UBE2E2: variants seen among roughly 807,000 people sequenced by gnomAD.
UBE2E2 encodes ubiquitin-conjugating enzyme E2 E2.
UBE2E2 carries 6 observed loss-of-function variants against 24.7 expected under a neutral mutation model. The observed-to-expected ratio is 0.24, with a 90% CI of 0.13 to 0.48. The LOEUF (loss-of-function observed/expected upper bound fraction) is 0.48. Among genes scored for constraint, UBE2E2 ranks in the 20% least tolerant of loss-of-function variants. The pLI is 0.99. For synonymous variants in UBE2E2, 104 were observed against 83.6 expected, an observed-to-expected ratio of 1.24 and a Z score of -1.33; for missense variants, 169 against 245.0, an observed-to-expected ratio of 0.69 and a Z score of 2.07.
chr3:23,231,055 A>G (rs1188257505), intron 3 of UBE2E2, among the ~76,000 whole-genome samples: 2 of 152,190 alleles, frequency 1.3e-5, no homozygotes, highest in African/African-American at 2.4e-5. Flanking sequence ...CTTTAGAGGA[A>G]CTGAAAATGA....
rs752800165 is a variant in UBE2E2, at chr3:23,323,581, C to T, written c.227+106269C>T. On this transcript the variant is annotated intron_variant, in intron 3 of 5. Transcript: ENST00000396703. ...ATTGGATTTTTGGATTTTGGATGCC[C>T]ACTAGGTAGGTATAATGCACATATT... The T allele has an allele frequency of 5.6e-5, 25 of 449,950 alleles. 1 individual carries two copies. Among genetic ancestry groups the T allele is most frequent in the South Asian group, 3.5e-4 (22 of 63,448 alleles). The allele number at this position is 449,950 out of a possible 1,614,324, so 27.9% of individuals were successfully genotyped here.
chr3:23,291,897 G>GCCCAGGCCAGATCTTTC (rs1268847558), intron 3 of UBE2E2, among the ~76,000 whole-genome samples: 83 of 132,928 alleles, frequency 6.2e-4, no homozygotes, highest in South Asian at 2.0e-3. Flanking sequence ...CTCGCTCTTT[G>GCCCAGGCCAGATCTTTC]GCCCAGGCCA....
At chr3:23,552,520 A>G (rs1306001406) in intron 5 of UBE2E2, among the ~76,000 whole-genome samples, 1 of 152,200 alleles carries the variant, frequency 6.6e-6, no homozygotes, top group Admixed American at 6.5e-5. Flanking sequence ...AGCATAAACA[A>G]GGACAGTCAC....
chr3:23,424,032 A>G (rs1697865221), intron 3 of UBE2E2, among the ~76,000 whole-genome samples: 1 of 152,178 alleles, frequency 6.6e-6, no homozygotes, highest in Non-Finnish European at 1.5e-5. Context: ...GAGAGTGCTG[A>G]GAGTGAGTGG....
intron 5 of UBE2E2, among the ~76,000 whole-genome samples, chr3:23,568,696 CAT>C (rs71057606): frequency 0.4 from 46,301 of 114,480 alleles, 8,643 homozygotes; most frequent in East Asian, 0.61. Flanking sequence ...TATATACACA[CAT>C]ATATATATAC....
intron 3 of UBE2E2, among the ~76,000 whole-genome samples, chr3:23,276,468 ATCCT>A (rs1698377041): frequency 6.6e-6 from 1 of 152,128 alleles, no homozygotes. Flanking sequence ...CCTTCTTTGA[ATCCT>A]TCCATGTCTT....
intron 3 of UBE2E2, among the ~76,000 whole-genome samples, chr3:23,326,419 T>C (rs555218275): frequency 6.6e-6 from 1 of 152,334 alleles, no homozygotes; most frequent in East Asian, 1.9e-4. Context: ...TATCTGGCTT[T>C]TCAAGATTTT....
intron 3 of UBE2E2, among the ~76,000 whole-genome samples, chr3:23,374,619 T>C (rs1485386943): frequency 2.0e-5 from 3 of 152,150 alleles, no homozygotes; most frequent in Non-Finnish European, 4.4e-5. Flanking sequence ...GTCTCCCCTT[T>C]CGGGATGAAA....
intron 3 of UBE2E2, among the ~76,000 whole-genome samples, chr3:23,330,616 T>A (rs946317853): frequency 6.6e-6 from 1 of 152,182 alleles, no homozygotes; most frequent in Non-Finnish European, 1.5e-5. Flanking sequence ...CCTGGAGGTG[T>A]ATGGAGAGAA....
chr3:23,262,019 A>C (rs986131444), intron 3 of UBE2E2, among the ~76,000 whole-genome samples: 1 of 152,104 alleles, frequency 6.6e-6, no homozygotes. Context: ...ACAATGTTCT[A>C]GTTTTAATTT....
At chr3:23,504,906 T>G (rs1694399871) in intron 4 of UBE2E2, among the ~76,000 whole-genome samples, 1 of 133,542 alleles carries the variant, frequency 7.5e-6, no homozygotes, top group Non-Finnish European at 1.6e-5. Flanking sequence ...GTTTCAGACA[T>G]TCTTTCTTTT....
At chr3:23,376,523 G>A (rs904448583) in intron 3 of UBE2E2, among the ~76,000 whole-genome samples, 4 of 152,190 alleles carry the variant, frequency 2.6e-5, no homozygotes, top group Non-Finnish European at 5.9e-5. Context: ...GATGGAAGCC[G>A]TCTTCTGTGG....
At chr3:23,345,125 A>G (rs377242544) in intron 3 of UBE2E2, among the ~76,000 whole-genome samples, 10 of 152,308 alleles carry the variant, frequency 6.6e-5, no homozygotes, top group African/African-American at 2.4e-4. Flanking sequence ...CTAGAGATCA[A>G]TTGTGATGAC....
At chr3:23,405,391 G>A (rs1697331283) in intron 3 of UBE2E2, among the ~76,000 whole-genome samples, 1 of 152,184 alleles carries the variant, frequency 6.6e-6, no homozygotes, top group South Asian at 2.1e-4. Context: ...GCTTGTTAGT[G>A]GCAGAGCCTG....
intron 3 of UBE2E2, among the ~76,000 whole-genome samples, chr3:23,431,528 G>T (rs1348944856): frequency 6.6e-6 from 1 of 151,964 alleles, no homozygotes; most frequent in Non-Finnish European, 1.5e-5. Flanking sequence ...TGATGCCTGT[G>T]AGCTGTGGTA....
chr3:23,428,981 T>C (rs1697995517), intron 3 of UBE2E2, among the ~76,000 whole-genome samples: 1 of 111,084 alleles, frequency 9.0e-6, no homozygotes, highest in Non-Finnish European at 2.0e-5. Context: ...TCACTACAAA[T>C]ATTTTGAACA....
At chr3:23,462,288 G>A (rs1256008298) in intron 3 of UBE2E2, among the ~76,000 whole-genome samples, 1 of 151,972 alleles carries the variant, frequency 6.6e-6, no homozygotes, top group Non-Finnish European at 1.5e-5. Flanking sequence ...TTACCATTTT[G>A]GAAATGAAGT....
intron 3 of UBE2E2, among the ~76,000 whole-genome samples, chr3:23,342,112 G>T (rs1208373075): frequency 1.3e-5 from 2 of 152,008 alleles, no homozygotes; most frequent in Non-Finnish European, 2.9e-5. Flanking sequence ...GAAAGCTATT[G>T]ACAGAAACAC....
chr3:23,480,356 G>C (rs1692650), intron 3 of UBE2E2, among the ~76,000 whole-genome samples: 100,937 of 152,116 alleles, frequency 0.66, 35,241 homozygotes, highest in African/African-American at 0.89. Context: ...CAGGTACTTT[G>C]AAGCCTATGG....
Sources: gnomAD v4.1 joint callset for allele counts (sites outside exome capture counted in the v4.1 genomes callset) on GRCh38, gnomAD v4.1.1 for gene constraint, MANE v1.5 for transcripts, NCBI Gene and HGNC (gene_info 2026-07-23, HGNC 2026-07-21) for gene names.